RADIL: variants seen among roughly 807,000 people sequenced by gnomAD.
RADIL encodes the protein ras-associating and dilute domain-containing protein.
Under a neutral mutation model 97.6 loss-of-function variants are expected in RADIL, and 99 were observed. The ratio of observed to expected loss-of-function variants is 1.01; its 90% CI spans 0.86 to 1.20. The LOEUF (loss-of-function observed/expected upper bound fraction) is 1.20. Among genes scored for constraint, RADIL ranks in the 50% most tolerant of loss-of-function variants. The pLI is 0.00. For missense variants in RADIL, 1,765 were observed against 1,498.9 expected (o/e 1.18, Z -2.93); for synonymous variants, 803 against 691.8 (o/e 1.16, Z -2.52).
Position 4,834,744 on chromosome 7 carries a change from G to T in RADIL, c.1279C>A (p.Pro427Thr). 13 of 1,410,518 alleles carry T rather than the reference G, an allele frequency of 9.2e-6. No individual in the cohort carries two copies. Among genetic ancestry groups the T allele is most frequent in the Non-Finnish European group, 1.2e-5 (13 of 1,075,138 alleles). The allele number at this position is 1,410,518 out of a possible 1,614,324, so 87.4% of individuals were successfully genotyped here. A position where few individuals can be genotyped will look rare whatever the true frequency, so the allele number is the denominator to read the frequency against. ...GTCAGCTTGTGGTCGTCGCCCCCCG[G>T]CTCGATCAACGTCATGATCCTCTGC... The part of the protein sequence containing the change: ...LLQRIMTLIE[P>T]GGDDHKLTPA... Residue 427 changes from proline (P) to threonine (T), a missense_variant, in exon 4 of 15, where the codon CCG becomes ACG. By Grantham distance (38) the Pro-to-Thr change is conservative (BLOSUM62 -1). Coordinates refer to ENST00000399583, the MANE Select transcript of RADIL (RefSeq NM_018059.5). This position sits in a 1 kb window ranked among gnomAD's most constrained non-coding sequence, Gnocchi z 6.0.
intron 2 of RADIL, chr7:4,858,842 T>C (rs1255207127): frequency 2.0e-5 from 3 of 152,242 alleles, no homozygotes; most frequent in African/African-American, 7.2e-5. Context: ...TCCTTTTTTC[T>C]TGTGAAATGA....
chr7:4,835,180 G>A lies in RADIL; in HGVS notation c.843C>T (p.Ser281=). ...DRHTVGQRTP[S]SKPSISLSAP... ...CTGAGAGGCTGATGCTGGGCTTGCTGGAGGGGGTCCGCTGGCCCACCGTGT... is the reference window on the plus strand; with the variant it reads ...CTGAGAGGCTGATGCTGGGCTTGCTAGAGGGGGTCCGCTGGCCCACCGTGT... Residue 281 remains serine (S), a synonymous_variant, in exon 4 of 15, where the codon TCC becomes TCT. Coordinates refer to ENST00000399583, the MANE Select transcript of RADIL (RefSeq NM_018059.5). This position sits in a 1 kb window ranked among gnomAD's most constrained non-coding sequence, Gnocchi z 5.8. 1.2e-6 allele frequency: 2 copies of A among 1,612,186 alleles called. No homozygotes were observed. Among genetic ancestry groups the A allele is most frequent in the South Asian group, 2.2e-5 (2 of 90,952 alleles).
chr7:4,811,798 T>A (rs549237616), intron 9 of RADIL, among the ~76,000 whole-genome samples: 1 of 152,130 alleles, frequency 6.6e-6, no homozygotes, highest in African/African-American at 2.4e-5. Context: ...AATTCTTCTT[T>A]AATGTTTAAA....
Position 4,835,228 on chromosome 7 carries a change from C to A in RADIL, c.795G>T (p.Val265=). 6.2e-7 allele frequency: 1 copy of A among 1,610,058 alleles called. No homozygotes were observed. Among genetic ancestry groups the A allele is most frequent in the East Asian group, 2.2e-5 (1 of 44,854 alleles). The part of the protein sequence containing the change: ...QGYSQQHDSL[V]YVLNRDRHTV... ...TGTGCCGGTCCCGGTTGAGCACATA[C>A]ACCAGGCTGTCCTGAAACAGAGACT... is the stretch of plus-strand genomic sequence containing the variant. Residue 265 remains valine (V), a synonymous_variant, in exon 4 of 15, where the codon GTG becomes GTT. Transcript: ENST00000399583. The surrounding 1 kb of genome is among the most constrained non-coding windows in gnomAD (Gnocchi z 5.8).
intron 9 of RADIL, among the ~76,000 whole-genome samples, chr7:4,810,101 C>T (rs1782497779): frequency 1.3e-5 from 2 of 152,298 alleles, no homozygotes; most frequent in South Asian, 4.1e-4. Flanking sequence ...GATCCACCCA[C>T]CTCGGCCTCC....
rs547991325 is a variant in RADIL, at chr7:4,822,466, C to T, written c.1543G>A (p.Glu515Lys). Residue 515 changes from glutamate to lysine, a missense_variant, in exon 6 of 15, where the codon GAG (glutamate) becomes AAG (lysine). Transcript: ENST00000399583. This position sits in a 1 kb window ranked among gnomAD's most constrained non-coding sequence, Gnocchi z 5.3. ...PILFWMSNSI[E>K]LLYFIQQKCP... The stretch of plus-strand genomic sequence containing the variant: ...TTCTGCTGGATAAAGTACAGGAGCT[C>T]GATGGAGTTAGACATCCAGAAAAGA... The T allele has an allele frequency of 6.2e-7, 1 of 1,613,016 alleles. No homozygotes were observed. The highest frequency in any genetic ancestry group is 2.2e-5 in the East Asian group (1 of 44,870).
At chr7:4,810,631 A>G (rs1233996183) in intron 9 of RADIL, among the ~76,000 whole-genome samples, 45 of 152,296 alleles carry the variant, frequency 3.0e-4, no homozygotes, top group Non-Finnish European at 1.0e-4. Context: ...GGCCGTGGCG[A>G]GGGACCCACG....
rs1323564130 is a variant in RADIL at position 4,834,091 on chromosome 7, G to A, written c.1416+516C>T. On this transcript the variant is annotated intron_variant, in intron 4 of 14. Coordinates refer to ENST00000399583, the MANE Select transcript of RADIL (RefSeq NM_018059.5). This position sits in a 1 kb window ranked among gnomAD's most constrained non-coding sequence, Gnocchi z 6.0. ...CTGGCCTGGAGGAAAGTTCGTCAAC[G>A]CACAAAAGGTGACGGGCCCTGCACC... Among the ~76,000 whole-genome samples the A allele has an allele frequency of 1.6e-4, 24 of 152,172 alleles. No individual in the cohort carries two copies. The highest frequency in any genetic ancestry group is 1.6e-3 in the Admixed American group (24 of 15,280).
Position 4,834,865 on chromosome 7 carries a change from G to C in RADIL, c.1158C>G (p.Leu386=), listed in dbSNP as rs1004240772. ...PQSCRLCGAA[L]GARGAASPTQ... ...TAGGGGAGGCGGCTCCCCGGGCCCC[G>C]AGCGCGGCCCCGCACAGCCGGCAGC... is the stretch of plus-strand genomic sequence containing the variant. The change falls in exon 4 of 15, where the codon CTC becomes CTG. Residue 386 remains leucine, a synonymous_variant. Coordinates refer to ENST00000399583, the MANE Select transcript of RADIL (RefSeq NM_018059.5). This position sits in a 1 kb window ranked among gnomAD's most constrained non-coding sequence, Gnocchi z 6.0. The C allele has an allele frequency of 7.5e-7, 1 of 1,331,794 alleles. No homozygotes were observed. The highest frequency in any genetic ancestry group is 9.6e-7 in the Non-Finnish European group (1 of 1,041,296). The allele number at this position is 1,331,794 out of a possible 1,614,324, so 82.5% of individuals were successfully genotyped here. A position where few individuals can be genotyped will look rare whatever the true frequency, so the allele number is the denominator to read the frequency against.
At chr7:4,830,361 C>A in intron 5 of RADIL, among the ~76,000 whole-genome samples, 1 of 151,876 alleles carries the variant, frequency 6.6e-6, no homozygotes, top group African/African-American at 2.4e-5. Context: ...GCAGGGGCTG[C>A]ACGTCTGTAT....
At chr7:4,827,326 G>C (rs1259922407) in intron 5 of RADIL, among the ~76,000 whole-genome samples, 5 of 146,566 alleles carry the variant, frequency 3.4e-5, no homozygotes, top group Non-Finnish European at 6.0e-5. Context: ...GATTGCACCA[G>C]TGCACTCCAG....
intron 2 of RADIL, chr7:4,860,183 A>G: frequency 6.2e-7 from 1 of 1,614,038 alleles, no homozygotes; most frequent in Non-Finnish European, 8.5e-7. Flanking sequence ...GCCTGTCTTC[A>G]TAGTGCTAGT....
At chr7:4,843,733 G>C (rs1012572056) in intron 2 of RADIL, among the ~76,000 whole-genome samples, 5 of 152,012 alleles carry the variant, frequency 3.3e-5, no homozygotes, top group African/African-American at 1.2e-4. Flanking sequence ...ACAACATGGG[G>C]AAACCCCGTC....
At chr7:4,861,646 C>T (rs967050849) in intron 2 of RADIL, 1 of 1,607,474 alleles carries the variant, frequency 6.2e-7, no homozygotes, top group Non-Finnish European at 8.5e-7. Flanking sequence ...GTTCCTCTTC[C>T]TCTTCGAAGA....
In RADIL at chr7:4,878,301, T is replaced by G; in HGVS notation, c.-64-98A>C. The G allele has an allele frequency of 1.3e-6, 1 of 780,030 alleles. No individual in the cohort carries two copies. Among genetic ancestry groups the G allele is most frequent in the Non-Finnish European group, 2.0e-6 (1 of 507,092 alleles). 48.3% of individuals were successfully genotyped at this position (780,030 alleles called of 1,614,324 possible). ...ACTCCTGCCCGTCATCCCAGCGCTTTAGAAGGCCAAGGTGGGAGGACGGCT... is the reference window on the plus strand; with the variant it reads ...ACTCCTGCCCGTCATCCCAGCGCTTGAGAAGGCCAAGGTGGGAGGACGGCT... On this transcript the variant is annotated intron_variant, in intron 1 of 14. Transcript: ENST00000399583. The surrounding 1 kb of genome is among the most constrained non-coding windows in gnomAD (Gnocchi z 4.1).
intron 2 of RADIL, among the ~76,000 whole-genome samples, chr7:4,875,191 C>CCAACAACAA (rs145735931): frequency 1.8e-5 from 2 of 110,156 alleles, no homozygotes; most frequent in African/African-American, 1.1e-4. Context: ...GACTCCATCT[C>CCAACAACAA]CAACAACAAC....
At position 4,880,786 on chromosome 7, in the gene RADIL, T is replaced by A. The variant is rs1784467224; in HGVS notation, c.-64-2583A>T. Among the ~76,000 whole-genome samples, 1 of 152,054 alleles carries A rather than the reference T, an allele frequency of 6.6e-6. No individual in the cohort carries two copies. Among genetic ancestry groups the A allele is most frequent in the South Asian group, 2.1e-4 (1 of 4,826 alleles). On this transcript the variant is annotated intron_variant, in intron 1 of 14. Transcript: ENST00000399583. The surrounding 1 kb of genome is among the most constrained non-coding windows in gnomAD (Gnocchi z 4.5). ...CTGATATAAATACGATACCAAAAAC[T>A]GGGGAAGCCCCCTCCAGGCAGGAGA...
chr7:4,820,394 C>T (rs948552505), intron 6 of RADIL, among the ~76,000 whole-genome samples: 6 of 150,752 alleles, frequency 4.0e-5, no homozygotes, highest in African/African-American at 1.5e-4. Context: ...CAGTCGTTTA[C>T]GTCACTTTCC....
At chr7:4,860,958 G>A (rs1378125179) in intron 2 of RADIL, 2 of 1,614,166 alleles carry the variant, frequency 1.2e-6, no homozygotes, top group Non-Finnish European at 1.7e-6. Context: ...AGTAACACTG[G>A]GTTTGGCCAT....
Sources: allele counts gnomAD v4.1 joint callset (sites outside exome capture counted in the v4.1 genomes callset), GRCh38; gene constraint gnomAD v4.1.1; non-coding constraint Gnocchi (gnomAD v3.1); transcripts MANE v1.5; gene names NCBI Gene and HGNC (gene_info 2026-07-23, HGNC 2026-07-21).